The following ZFHX3 variants were observed in gnomAD, a reference collection of about 807,000 sequenced individuals.
The protein encoded by ZFHX3 is zinc finger homeobox protein 3.
In ZFHX3, 42 loss-of-function variants were observed where a neutral mutation model predicts 279.1. That is an observed-to-expected ratio of 0.15 (90% confidence interval 0.12 to 0.19). The LOEUF is 0.19. ZFHX3 is among the 10% of genes least tolerant of loss of function. The pLI is 1.00. For synonymous variants in ZFHX3, 2,293 were observed against 1,957.8 expected (o/e 1.17, Z -4.52); for missense variants, 4,981 against 4,754.0 (o/e 1.05, Z -1.40).
intron 2 of ZFHX3, among the ~76,000 whole-genome samples, chr16:73,634,145 T>G (rs896630406): frequency 2.0e-5 from 3 of 151,964 alleles, no homozygotes; most frequent in African/African-American, 7.2e-5. Context: ...CATACATAAT[T>G]ATGCACACAC....
chr16:73,557,832 C>A (rs912514685), intron 2 of ZFHX3, among the ~76,000 whole-genome samples: 14 of 152,232 alleles, frequency 9.2e-5, no homozygotes, highest in African/African-American at 2.9e-4. Context: ...TTTATCCAGC[C>A]CCTATTCAAG....
At chr16:73,567,535 A>G (rs1257851767) in intron 2 of ZFHX3, among the ~76,000 whole-genome samples, 1 of 152,114 alleles carries the variant, frequency 6.6e-6, no homozygotes, top group African/African-American at 2.4e-5. Context: ...TCTACACACA[A>G]CATTCTCGTT....
intron 1 of ZFHX3, among the ~76,000 whole-genome samples, chr16:73,798,680 C>G (rs427478): frequency 1.3e-5 from 2 of 151,830 alleles, no homozygotes; most frequent in African/African-American, 4.8e-5. Flanking sequence ...TTGTACATCA[C>G]AGATGACAGA....
intron 1 of ZFHX3, among the ~76,000 whole-genome samples, chr16:73,804,262 T>G (rs572275860): frequency 1.3e-5 from 2 of 152,338 alleles, no homozygotes; most frequent in East Asian, 3.9e-4. Context: ...AATTATATAT[T>G]ATTTCGCTTG....
intron 3 of ZFHX3, among the ~76,000 whole-genome samples, chr16:73,344,143 C>T (rs1395691583): frequency 2.6e-5 from 4 of 152,160 alleles, no homozygotes; most frequent in Non-Finnish European, 4.4e-5. Context: ...AAACCTGGCA[C>T]ATAGCACCTC....
intron 3 of ZFHX3, among the ~76,000 whole-genome samples, chr16:73,321,421 G>T (rs2015572225): frequency 6.6e-6 from 1 of 152,132 alleles, no homozygotes; most frequent in African/African-American, 2.4e-5. Flanking sequence ...TTTAAATGAG[G>T]TAACAGTTAT....
intron 3 of ZFHX3, among the ~76,000 whole-genome samples, chr16:73,364,234 A>G (rs1159818434): frequency 1.3e-5 from 2 of 151,918 alleles, no homozygotes; most frequent in Non-Finnish European, 2.9e-5. Context: ...ATATAACCAT[A>G]ACAAATGCCG....
intron 3 of ZFHX3, among the ~76,000 whole-genome samples, chr16:73,365,537 A>G (rs187816192): frequency 6.6e-6 from 1 of 152,220 alleles, no homozygotes; most frequent in Non-Finnish European, 1.5e-5. Context: ...GTTCAGTGAC[A>G]TATAGAGGAG....
chr16:73,497,733 A>C (rs2019165773), intron 2 of ZFHX3, among the ~76,000 whole-genome samples: 1 of 152,146 alleles, frequency 6.6e-6, no homozygotes, highest in South Asian at 2.1e-4. Flanking sequence ...AGAAGAAGGA[A>C]TGGGACCAAA....
In ZFHX3 at chr16:72,796,565, T is replaced by C. The variant is rs1223905684; in HGVS notation, c.6117A>G (p.Pro2039=). 4 of 1,448,544 alleles carry C rather than the reference T, an allele frequency of 2.8e-6. No individual in the cohort carries two copies. In the South Asian group the frequency reaches 4.5e-5, roughly 16 times the overall value. 89.7% of individuals were successfully genotyped at this position (1,448,544 alleles called of 1,614,324 possible). A position where few individuals can be genotyped will look rare whatever the true frequency, so the allele number is the denominator to read the frequency against. ...GAGGGGGTGGAGGGGGAGGTGGTGGTGGCTCTGGGGTCTGGGGCCTCAGTG... is the reference window on the plus strand; with the variant it reads ...GAGGGGGTGGAGGGGGAGGTGGTGGCGGCTCTGGGGTCTGGGGCCTCAGTG... ...LYPLRPQTPE[P]PPPPPPPPPP... Residue 2039 remains proline, a synonymous_variant, in exon 9 of 10, where the codon CCA becomes CCG. Transcript: ENST00000268489.
chr16:72,935,244 C>G (rs1441266799), intron 3 of ZFHX3, among the ~76,000 whole-genome samples: 1 of 152,154 alleles, frequency 6.6e-6, no homozygotes, highest in Non-Finnish European at 1.5e-5. Flanking sequence ...CAGGTCAGAG[C>G]TTCTCTCACT....
chr16:73,425,747 T>C (rs1237361770), intron 3 of ZFHX3, among the ~76,000 whole-genome samples: 1 of 152,108 alleles, frequency 6.6e-6, no homozygotes, highest in Non-Finnish European at 1.5e-5. Context: ...CCTGGCACTG[T>C]TTATCCATCT....
intron 1 of ZFHX3, among the ~76,000 whole-genome samples, chr16:73,683,550 T>C (rs757579002): frequency 6.6e-5 from 10 of 152,166 alleles, no homozygotes; most frequent in Admixed American, 1.3e-4. Flanking sequence ...TTTTGGGATT[T>C]TTTTTTTTAA....
intron 1 of ZFHX3, among the ~76,000 whole-genome samples, chr16:72,961,590 G>A (rs1457407397): frequency 6.7e-6 from 1 of 150,318 alleles, no homozygotes; most frequent in East Asian, 2.0e-4. Flanking sequence ...GGCCAGGTTT[G>A]ATCTCACTTC....
chr16:73,415,582 T>G (rs925028184), intron 3 of ZFHX3, among the ~76,000 whole-genome samples: 1 of 152,178 alleles, frequency 6.6e-6, no homozygotes, highest in Non-Finnish European at 1.5e-5. Flanking sequence ...TAGCATTCCC[T>G]CCAATGTATT....
chr16:73,830,359 C>T (rs967313199), intron 1 of ZFHX3, among the ~76,000 whole-genome samples: 13 of 151,422 alleles, frequency 8.6e-5, no homozygotes, highest in Admixed American at 7.2e-4. Context: ...AGAAATCACC[C>T]GTCTTCTGCG....
chr16:72,936,582 A>C (rs953651648), intron 3 of ZFHX3, among the ~76,000 whole-genome samples: 2 of 152,218 alleles, frequency 1.3e-5, no homozygotes, highest in African/African-American at 4.8e-5. Flanking sequence ...TAGAACAGCA[A>C]GTGCAAAGGC....
intron 3 of ZFHX3, among the ~76,000 whole-genome samples, chr16:73,434,861 A>T (rs1411009596): frequency 6.6e-6 from 1 of 152,206 alleles, no homozygotes; most frequent in Non-Finnish European, 1.5e-5. Context: ...GACGCCGTCC[A>T]GTCAGTGGCC....
chr16:73,363,463 C>T (rs75694474), intron 3 of ZFHX3, among the ~76,000 whole-genome samples: 2,369 of 152,254 alleles, frequency 0.016, 65 homozygotes, highest in African/African-American at 0.054. Flanking sequence ...CATCTCCTCA[C>T]CCTGTGCATA....
Sources: gnomAD v4.1 joint callset for allele counts (sites outside exome capture counted in the v4.1 genomes callset) on GRCh38, gnomAD v4.1.1 for gene constraint, MANE v1.5 for transcripts, NCBI Gene and HGNC (gene_info 2026-07-23, HGNC 2026-07-21) for gene names.